ICA1: variants seen among roughly 807,000 people sequenced by gnomAD.
The protein encoded by ICA1 is 69 kDa islet cell autoantigen.
Under a neutral mutation model 71.0 loss-of-function variants are expected in ICA1, and 40 were observed. The ratio of observed to expected loss-of-function variants is 0.56; its 90% CI spans 0.44 to 0.73. The LOEUF (loss-of-function observed/expected upper bound fraction) is 0.73, where lower values mean the gene tolerates loss of function less well. Among genes scored for constraint, ICA1 ranks in the 30% least tolerant of loss-of-function variants. ICA1 has a pLI of 0.00. For missense variants in ICA1, 578 were observed against 576.5 expected (o/e 1.00, Z -0.03); for synonymous variants, 207 against 209.5 (o/e 0.99, Z 0.10).
At chr7:8,247,243 G>A (rs1410843775) in intron 1 of ICA1, among the ~76,000 whole-genome samples, 1 of 152,124 alleles carries the variant, frequency 6.6e-6, no homozygotes, top group Non-Finnish European at 1.5e-5. Flanking sequence ...CTTGAGCCCA[G>A]GAGTTTGAGA....
chr7:8,260,340 G>A (rs1264206371), intron 1 of ICA1, among the ~76,000 whole-genome samples: 5 of 152,152 alleles, frequency 3.3e-5, no homozygotes, highest in Non-Finnish European at 5.9e-5. Context: ...CGGTAAAGAT[G>A]CGTAGAGAAA....
At chr7:8,183,154 T>C (rs767878487) in intron 6 of ICA1, among the ~76,000 whole-genome samples, 1 of 152,212 alleles carries the variant, frequency 6.6e-6, no homozygotes, top group African/African-American at 2.4e-5. Flanking sequence ...GCTCTTGGTC[T>C]CCTATGGGAA....
At chr7:8,203,734 C>T (rs1488305475) in intron 6 of ICA1, among the ~76,000 whole-genome samples, 1 of 152,188 alleles carries the variant, frequency 6.6e-6, no homozygotes, top group South Asian at 2.1e-4. Flanking sequence ...TTTTCTGTGC[C>T]TATTTGCTGT....
chr7:8,121,998 C>G (rs772202972), intron 13 of ICA1, among the ~76,000 whole-genome samples: 8 of 152,104 alleles, frequency 5.3e-5, no homozygotes, highest in Non-Finnish European at 8.8e-5. Context: ...GCAGAAACAC[C>G]CTGACTGCTG....
At chr7:8,120,690 T>C (rs1306541246) in intron 13 of ICA1, among the ~76,000 whole-genome samples, 1 of 152,214 alleles carries the variant, frequency 6.6e-6, no homozygotes, top group African/African-American at 2.4e-5. Context: ...GATCCTTTGA[T>C]ATATCAGATG....
chr7:8,121,559 A>G (rs956524220), intron 13 of ICA1, among the ~76,000 whole-genome samples: 1 of 152,232 alleles, frequency 6.6e-6, no homozygotes, highest in Non-Finnish European at 1.5e-5. Flanking sequence ...AAAACAATTC[A>G]GTTCATGGAA....
At chr7:8,141,481 C>T (rs1022288842) in intron 10 of ICA1, among the ~76,000 whole-genome samples, 3 of 152,216 alleles carry the variant, frequency 2.0e-5, no homozygotes, top group Admixed American at 6.5e-5. Context: ...AAAGAAACAG[C>T]GATTTGCCAG....
At chr7:8,227,625 T>C in intron 4 of ICA1, 1 of 371,100 alleles carries the variant, frequency 2.7e-6, no homozygotes, top group East Asian at 8.3e-5. Flanking sequence ...TTTTTTTTTC[T>C]AAGAGATCTC....
chr7:8,143,404 C>T (rs1795859186), intron 9 of ICA1, among the ~76,000 whole-genome samples: 1 of 152,200 alleles, frequency 6.6e-6, no homozygotes, highest in Non-Finnish European at 1.5e-5. Context: ...GTGCCAAAAT[C>T]CAACACTTTC....
intron 5 of ICA1, among the ~76,000 whole-genome samples, 197 bp downstream of exon 5, chr7:8,221,078 G>C (rs535048646): frequency 2.4e-4 from 36 of 151,894 alleles, no homozygotes; most frequent in South Asian, 1.9e-3. Flanking sequence ...TTAATTAATA[G>C]GGAGGAAAAA....
intron 4 of ICA1, 122 bp downstream of exon 4, chr7:8,228,479 C>T (rs1799301795): frequency 1.9e-6 from 1 of 516,940 alleles, no homozygotes; most frequent in Admixed American, 3.9e-5. Flanking sequence ...GACTCTCCTC[C>T]CAACGCCTGA....
intron 13 of ICA1, among the ~76,000 whole-genome samples, chr7:8,114,678 T>A (rs1352552134): frequency 1.3e-5 from 2 of 152,208 alleles, no homozygotes; most frequent in African/African-American, 4.8e-5. Flanking sequence ...CTCTTCCACC[T>A]AAACACCTGC....
intron 4 of ICA1, among the ~76,000 whole-genome samples, chr7:8,227,410 C>T (rs1798926639): frequency 2.6e-5 from 4 of 152,078 alleles, no homozygotes; most frequent in African/African-American, 7.2e-5. Context: ...AAAATACCAG[C>T]ATTTGAGACT....
intron 6 of ICA1, among the ~76,000 whole-genome samples, chr7:8,182,624 G>A (rs1782559399): frequency 6.6e-6 from 1 of 152,078 alleles, no homozygotes; most frequent in African/African-American, 2.4e-5. Flanking sequence ...AATTTTTATT[G>A]TTGATAAAAC....
Position 8,234,097 on chromosome 7 carries a change from A to G in ICA1, c.18-1342T>C, listed in dbSNP as rs1409568769. On this transcript the variant is annotated intron_variant, in intron 2 of 13. Transcript: ENST00000402384. The surrounding 1 kb of genome is among the most constrained non-coding windows in gnomAD (Gnocchi z 4.5). ...AGGTGTGGTGGCACAGGCCTATGAC[A>G]CAAAGCTACTCAGCAGACTGAAGTG... Among the ~76,000 whole-genome samples, 3 of 152,138 alleles carry G rather than the reference A, an allele frequency of 2.0e-5. No individual in the cohort carries two copies. The highest frequency in any genetic ancestry group is 7.2e-5 in the African/African-American group (3 of 41,420).
intron 6 of ICA1, among the ~76,000 whole-genome samples, chr7:8,193,038 T>C (rs1585079680): frequency 1.3e-5 from 2 of 152,176 alleles, no homozygotes; most frequent in South Asian, 4.1e-4. Flanking sequence ...TAGTGGAGGG[T>C]ATGTAGAAAC....
At chr7:8,245,672 T>G (rs902388831) in intron 1 of ICA1, among the ~76,000 whole-genome samples, 2 of 152,166 alleles carry the variant, frequency 1.3e-5, no homozygotes, top group East Asian at 3.8e-4. Context: ...TATATCTAAA[T>G]TATTATTTCA....
rs577738963 is a variant in ICA1, at chr7:8,124,568, T to C, written c.1330+3305A>G. ...TTTGACATGATCAGTCATGGAAGCA[T>C]AATGTCCATCCTTCATTTGTAACAA... is the stretch of plus-strand genomic sequence containing the variant. On this transcript the variant is annotated intron_variant, in intron 13 of 13. Transcript: ENST00000402384. 4.9e-4 allele frequency among the ~76,000 whole-genome samples: 75 copies of C among 152,182 alleles called. 3 individuals are homozygous for C. The South Asian group carries it at 0.016, about 32-fold the overall frequency.
rs566509436 is a variant in ICA1, at chr7:8,234,436, T to C, written c.17+1474A>G. On this transcript the variant is annotated intron_variant, in intron 2 of 13. Coordinates refer to ENST00000402384, the MANE Select transcript of ICA1 (RefSeq NM_001136020.3). This position sits in a 1 kb window ranked among gnomAD's most constrained non-coding sequence, Gnocchi z 4.5. ...CAGGCAACTCTCCTCTGTGGAGATGTACTTTCCTCTACCCCATCCCATCAC... is the reference window on the plus strand; with the variant it reads ...CAGGCAACTCTCCTCTGTGGAGATGCACTTTCCTCTACCCCATCCCATCAC... Among the ~76,000 whole-genome samples, 1 of 152,308 alleles carries C rather than the reference T, an allele frequency of 6.6e-6. No homozygotes were observed. The highest frequency in any genetic ancestry group is 2.4e-5 in the African/African-American group (1 of 41,566).
Sources: allele counts gnomAD v4.1 joint callset (sites outside exome capture counted in the v4.1 genomes callset), GRCh38; gene constraint gnomAD v4.1.1; non-coding constraint Gnocchi (gnomAD v3.1); transcripts MANE v1.5; gene names NCBI Gene and HGNC (gene_info 2026-07-23, HGNC 2026-07-21).